Variants in SPAG16 observed in about 807,000 individuals in gnomAD.
SPAG16 encodes sperm-associated antigen 16 protein.
In SPAG16, 86 loss-of-function variants were observed where a neutral mutation model predicts 80.4. The ratio of observed to expected loss-of-function variants is 1.07; its 90% CI spans 0.90 to 1.28. The LOEUF (loss-of-function observed/expected upper bound fraction) is 1.28, where lower values mean the gene tolerates loss of function less well. SPAG16 is among the 50% of genes most tolerant of loss of function. The probability of loss-of-function intolerance (pLI) is 0.00; values close to 1 mark genes in which losing one functional copy is unlikely to be tolerated. For synonymous variants in SPAG16, 294 were observed against 265.9 expected, an observed-to-expected ratio of 1.11 and a Z score of -1.03; for missense variants, 870 against 765.3, an observed-to-expected ratio of 1.14 and a Z score of -1.61.
intron 10 of SPAG16, among the ~76,000 whole-genome samples, chr2:213,626,641 A>ATTTTTTTTTT (rs10582370): frequency 1.0e-5 from 1 of 98,980 alleles, no homozygotes; most frequent in African/African-American, 3.9e-5. Context: ...ATCGGGCTCA[A>ATTTTTTTTTT]TTTTTTTTTT....
In SPAG16 at chr2:213,703,418, T is replaced by C. The variant is rs556464873; in HGVS notation, c.1071-159067T>C. Among the ~76,000 whole-genome samples, 4 of 152,306 alleles carry C rather than the reference T, an allele frequency of 2.6e-5. No individual in the cohort carries two copies. In the South Asian group the frequency reaches 8.3e-4, roughly 32 times the overall value. On this transcript the variant is annotated intron_variant, in intron 10 of 15. Transcript: ENST00000331683. The stretch of plus-strand genomic sequence containing the variant: ...GAGAGAGCACCAACGTTTTAAAGAC[T>C]TTACTAAAATTATGTCTCAGAAAAC...
intron 12 of SPAG16, among the ~76,000 whole-genome samples, chr2:214,004,238 G>A (rs1283541563): frequency 6.6e-6 from 1 of 152,114 alleles, no homozygotes; most frequent in Non-Finnish European, 1.5e-5. Flanking sequence ...AGGGTCTGGC[G>A]TGACCTGAAT....
intron 9 of SPAG16, among the ~76,000 whole-genome samples, chr2:213,386,548 C>T (rs772079623): frequency 3.9e-5 from 6 of 152,152 alleles, no homozygotes; most frequent in African/African-American, 1.2e-4. Context: ...TCTATAAGCT[C>T]GTCTAATCTT....
Position 214,115,802 on chromosome 2 carries a change from C to T in SPAG16, c.1593+7541C>T, listed in dbSNP as rs548741666. 1.4e-3 allele frequency among the ~76,000 whole-genome samples: 201 copies of T among 146,714 alleles called. 1 individual carries two copies. Among genetic ancestry groups the T allele is most frequent in the Middle Eastern group, 3.7e-3 (1 of 268 alleles). ...CTGAGGCAGGGGAATTGCTCAAACC[C>T]GGGAGACAGAGATTGCAGCGAGCTG... On this transcript the variant is annotated intron_variant, in intron 14 of 15. Coordinates refer to ENST00000331683, the MANE Select transcript of SPAG16 (RefSeq NM_024532.5).
chr2:214,144,638 G>A (rs1032077095), intron 14 of SPAG16, among the ~76,000 whole-genome samples: 31 of 152,028 alleles, frequency 2.0e-4, no homozygotes, highest in African/African-American at 7.5e-4. Flanking sequence ...CTAGTATGCA[G>A]TATAACTCTT....
At chr2:213,513,178 G>C (rs1441688592) in intron 10 of SPAG16, among the ~76,000 whole-genome samples, 2 of 152,010 alleles carry the variant, frequency 1.3e-5, no homozygotes, top group Non-Finnish European at 2.9e-5. Context: ...TTTTATCCTT[G>C]ACTTGCTGTT....
chr2:213,741,062 T>C (rs959998493), intron 10 of SPAG16, among the ~76,000 whole-genome samples: 3 of 152,196 alleles, frequency 2.0e-5, no homozygotes, highest in African/African-American at 7.2e-5. Context: ...ATTTAACGCC[T>C]CATAACTTTA....
At chr2:214,099,885 A>G (rs1444903512) in intron 13 of SPAG16, among the ~76,000 whole-genome samples, 1 of 152,124 alleles carries the variant, frequency 6.6e-6, no homozygotes, top group East Asian at 1.9e-4. Flanking sequence ...AGATATATAC[A>G]CAGATAAAAA....
intron 10 of SPAG16, among the ~76,000 whole-genome samples, chr2:213,732,426 C>T (rs766464269): frequency 2.6e-5 from 4 of 152,108 alleles, no homozygotes; most frequent in Admixed American, 6.6e-5. Context: ...CTCAAAAGAT[C>T]CACTATTACC....
intron 1 of SPAG16, among the ~76,000 whole-genome samples, chr2:213,294,062 T>G (rs538527145): frequency 6.6e-6 from 1 of 152,320 alleles, no homozygotes; most frequent in East Asian, 1.9e-4. Context: ...TTGTGCAACG[T>G]TGATGAACAT....
At chr2:213,366,758 A>T (rs1429620235) in intron 8 of SPAG16, among the ~76,000 whole-genome samples, 1 of 152,198 alleles carries the variant, frequency 6.6e-6, no homozygotes, top group Non-Finnish European at 1.5e-5. Flanking sequence ...TGAATGGATA[A>T]GCAAAATGTG....
At chr2:213,981,694 G>T (rs2045753961) in intron 12 of SPAG16, among the ~76,000 whole-genome samples, 3 of 151,992 alleles carry the variant, frequency 2.0e-5, no homozygotes. Flanking sequence ...TTATATTAAT[G>T]TGAAGAGCGC....
At chr2:213,689,142 TAG>T (rs2064825356) in intron 10 of SPAG16, among the ~76,000 whole-genome samples, 1 of 152,150 alleles carries the variant, frequency 6.6e-6, no homozygotes, top group Non-Finnish European at 1.5e-5. Context: ...GTATTTTTAG[TAG>T]AGTCAGGGTT....
intron 3 of SPAG16, 131 bp from the exon 4 acceptor site, chr2:213,309,928 C>T: frequency 1.7e-6 from 1 of 571,652 alleles, no homozygotes; most frequent in Non-Finnish European, 3.1e-6. Context: ...TTAATGGTTC[C>T]TGGCATATAA....
At chr2:213,813,837 C>T (rs1486778907) in intron 10 of SPAG16, among the ~76,000 whole-genome samples, 1 of 152,132 alleles carries the variant, frequency 6.6e-6, no homozygotes, top group African/African-American at 2.4e-5. Flanking sequence ...GCACCCACAA[C>T]ACACACACAT....
chr2:214,199,864 T>C (rs1343296947), intron 15 of SPAG16, among the ~76,000 whole-genome samples: 3 of 152,152 alleles, frequency 2.0e-5, no homozygotes, highest in African/African-American at 7.2e-5. Context: ...TTGCAGCTGT[T>C]GTAAAAGGGA....
rs148929920 is a variant in SPAG16 at position 213,550,930 on chromosome 2, A to G, written c.1070+60840A>G. 7.8e-4 allele frequency among the ~76,000 whole-genome samples: 119 copies of G among 151,904 alleles called. 2 individuals are homozygous for G. The highest frequency in any genetic ancestry group is 3.4e-3 in the Middle Eastern group (1 of 292). On this transcript the variant is annotated intron_variant, in intron 10 of 15. Coordinates refer to ENST00000331683, the MANE Select transcript of SPAG16 (RefSeq NM_024532.5). ...ATTTTAAATTTTCTTTTTAAATCAA[A>G]GTTTTTTTTACTTTTAGCATTTTAA...
intron 13 of SPAG16, among the ~76,000 whole-genome samples, chr2:214,016,948 C>T (rs190778509): frequency 6.0e-4 from 91 of 152,220 alleles, no homozygotes; most frequent in African/African-American, 2.1e-3. Context: ...TGGTAATGGA[C>T]ATGCAGATGG....
At chr2:213,410,213 A>G (rs1053919085) in intron 9 of SPAG16, among the ~76,000 whole-genome samples, 4 of 152,182 alleles carry the variant, frequency 2.6e-5, no homozygotes, top group South Asian at 2.1e-4. Flanking sequence ...CATCTATTCT[A>G]TTACTCTTTA....
Sources: allele counts gnomAD v4.1 joint callset (sites outside exome capture counted in the v4.1 genomes callset), GRCh38; gene constraint gnomAD v4.1.1; transcripts MANE v1.5; gene names NCBI Gene and HGNC (gene_info 2026-07-23, HGNC 2026-07-21).